MRPS27: variants seen among roughly 807,000 people sequenced by gnomAD.
MRPS27 encodes the protein small ribosomal subunit protein mS27.
A neutral mutation model predicts 48.9 loss-of-function variants in MRPS27; 43 were observed. The ratio of observed to expected loss-of-function variants is 0.88; its 90% CI spans 0.69 to 1.13. The LOEUF is 1.13. Among genes scored for constraint, MRPS27 ranks in the 50% most tolerant of loss-of-function variants. MRPS27 has a pLI of 0.00. For synonymous variants in MRPS27, 188 were observed against 171.9 expected (o/e 1.09, Z -0.73); for missense variants, 467 against 476.3 (o/e 0.98, Z 0.18).
At chr5:72,294,357 G>T (rs1749921832) in intron 4 of MRPS27, among the ~76,000 whole-genome samples, 2 of 151,932 alleles carry the variant, frequency 1.3e-5, no homozygotes, top group Admixed American at 1.3e-4. Flanking sequence ...CATCTAGACA[G>T]AAACAACTAA....
rs575542837 is a variant in MRPS27, at chr5:72,291,458, G to A, written c.281+4073C>T. 2.6e-5 allele frequency among the ~76,000 whole-genome samples: 4 copies of A among 152,266 alleles called. No homozygotes were observed. In the South Asian group the frequency reaches 8.3e-4, roughly 32 times the overall value. Reference sequence around the variant, plus strand: ...AAATCTTTGGGATATGGTAACATATGTGCTGCTTTATTAATGCATGAAATA... The same window carrying A: ...AAATCTTTGGGATATGGTAACATATATGCTGCTTTATTAATGCATGAAATA... On this transcript the variant is annotated intron_variant, in intron 4 of 10. Transcript: ENST00000261413.
At chr5:72,238,215 C>A in intron 4 of MRPS27, 87 bp from the exon 5 acceptor site, 1 of 828,096 alleles carries the variant, frequency 1.2e-6, no homozygotes. Context: ...CTCTTAGATA[C>A]TTACAGAGTG....
chr5:72,307,637 A>C (rs1028703365), intron 2 of MRPS27, among the ~76,000 whole-genome samples: 1 of 151,926 alleles, frequency 6.6e-6, no homozygotes, highest in African/African-American at 2.4e-5. Flanking sequence ...GGGGCTCCTT[A>C]TACCAAGGTG....
chr5:72,227,957 C>T, intron 8 of MRPS27: 1 of 388,046 alleles, frequency 2.6e-6, no homozygotes, highest in Non-Finnish European at 4.6e-6. Flanking sequence ...ATTCTACTAG[C>T]TAGTCTCCCT....
At chr5:72,256,822 T>C (rs1393063368) in intron 4 of MRPS27, among the ~76,000 whole-genome samples, 1 of 152,200 alleles carries the variant, frequency 6.6e-6, no homozygotes, top group Non-Finnish European at 1.5e-5. Flanking sequence ...ATCTCCAGAG[T>C]AAGAGGAAAA....
intron 4 of MRPS27, among the ~76,000 whole-genome samples, chr5:72,255,626 G>A (rs548658080): frequency 7.2e-5 from 11 of 152,194 alleles, no homozygotes; most frequent in East Asian, 5.8e-4. Context: ...GTAACTATGC[G>A]AATTGCTTTT....
At chr5:72,255,684 TATA>T (rs1748783172) in intron 4 of MRPS27, among the ~76,000 whole-genome samples, 4 of 152,330 alleles carry the variant, frequency 2.6e-5, no homozygotes, top group African/African-American at 7.2e-5. Context: ...ATAAGGTAAG[TATA>T]TTATCCACAC....
intron 4 of MRPS27, among the ~76,000 whole-genome samples, chr5:72,279,237 T>C (rs1205989887): frequency 6.6e-6 from 1 of 152,250 alleles, no homozygotes; most frequent in Non-Finnish European, 1.5e-5. Flanking sequence ...TGAGCATCTA[T>C]TCATATGTTA....
chr5:72,250,265 C>G (rs1246199298), intron 4 of MRPS27, among the ~76,000 whole-genome samples: 1 of 152,188 alleles, frequency 6.6e-6, no homozygotes, highest in Non-Finnish European at 1.5e-5. Flanking sequence ...CCCTGCTTCT[C>G]TCACTTTCTA....
chr5:72,275,958 C>A (rs1749362894), intron 4 of MRPS27, among the ~76,000 whole-genome samples: 1 of 151,344 alleles, frequency 6.6e-6, no homozygotes, highest in Non-Finnish European at 1.5e-5. Flanking sequence ...ACGCTTGGTA[C>A]TGTGGCGTGC....
chr5:72,305,411 A>T (rs1233232701), intron 2 of MRPS27, among the ~76,000 whole-genome samples: 2 of 152,238 alleles, frequency 1.3e-5, no homozygotes, highest in Non-Finnish European at 2.9e-5. Context: ...GAAATGACAC[A>T]GCAAAACTAA....
rs567044414 is a variant in MRPS27, at chr5:72,310,361, T to G, written c.151+3720A>C. ...GGCCAGGAAGGGTACACAGTGAGCC[T>G]GAAACACCTTGTTATATGAGAGAAA... On this transcript the variant is annotated intron_variant, in intron 2 of 10. Transcript: ENST00000261413. Among the ~76,000 whole-genome samples, 4 of 151,604 alleles carry G rather than the reference T, an allele frequency of 2.6e-5. No individual in the cohort carries two copies. The South Asian group carries it at 8.3e-4, about 32-fold the overall frequency.
At chr5:72,227,244 A>T (rs1747925560) in intron 8 of MRPS27, 1 of 152,326 alleles carries the variant, frequency 6.6e-6, no homozygotes, top group East Asian at 1.9e-4. Context: ...CTTCTGACCA[A>T]TTCAGGCTGT....
At chr5:72,250,995 GAAGATTA>G (rs1195155791) in intron 4 of MRPS27, among the ~76,000 whole-genome samples, 2 of 152,188 alleles carry the variant, frequency 1.3e-5, no homozygotes, top group Non-Finnish European at 2.9e-5. Flanking sequence ...AGATTGATAT[GAAGATTA>G]AAGAGATAAA....
At chr5:72,237,755 CA>C (rs1188080822) in intron 5 of MRPS27, among the ~76,000 whole-genome samples, 3 of 152,102 alleles carry the variant, frequency 2.0e-5, no homozygotes, top group African/African-American at 7.2e-5. Context: ...ATGAAATGAC[CA>C]CCACTGCAGA....
At position 72,288,651 on chromosome 5, in the gene MRPS27, G is replaced by C. The variant is rs1440167629; in HGVS notation, c.281+6880C>G. On this transcript the variant is annotated intron_variant, in intron 4 of 10. Coordinates refer to ENST00000261413, the MANE Select transcript of MRPS27 (RefSeq NM_015084.3). ...TCTCCCAGGCCTGTGGTAAGGATCA[G>C]CAAATAAGAACTAAATAAAGAACTA... 1.3e-5 allele frequency among the ~76,000 whole-genome samples: 2 copies of C among 152,164 alleles called. 1 individual carries two copies. Among genetic ancestry groups the C allele is most frequent in the Admixed American group, 1.3e-4 (2 of 15,282 alleles).
At chr5:72,298,030 A>T (rs1750025967) in intron 2 of MRPS27, among the ~76,000 whole-genome samples, 1 of 152,194 alleles carries the variant, frequency 6.6e-6, no homozygotes, top group Admixed American at 6.5e-5. Context: ...CAATTGCAAC[A>T]AAAACAAAAA....
At position 72,297,631 on chromosome 5, in the gene MRPS27, C is replaced by A; in HGVS notation, c.222+1G>T. The A allele has an allele frequency of 6.4e-7, 1 of 1,568,186 alleles. No individual in the cohort carries two copies. The highest frequency in any genetic ancestry group is 1.2e-5 in the South Asian group (1 of 86,254). ...AAATATATATGTTAAAATTTTCTTA[C>A]CCGTGATATTGTTAAAGAACTAACA... On this transcript the variant is annotated splice_donor_variant, in intron 3 of 10. Transcript: ENST00000261413. LOFTEE classifies it high-confidence loss of function.
chr5:72,225,540 T>A (rs2111935106), intron 9 of MRPS27, among the ~76,000 whole-genome samples: 1 of 152,290 alleles, frequency 6.6e-6, no homozygotes. Context: ...GAGAGTAGTG[T>A]TCTCGTCCTG....
Sources: gnomAD v4.1 joint callset for allele counts (sites outside exome capture counted in the v4.1 genomes callset) on GRCh38, gnomAD v4.1.1 for gene constraint, MANE v1.5 for transcripts, NCBI Gene and HGNC (gene_info 2026-07-23, HGNC 2026-07-21) for gene names.